Variants in AASS observed in about 807,000 individuals in gnomAD.
The protein encoded by AASS is aminoadipate-semialdehyde synthase, also known as alpha-aminoadipic semialdehyde synthase, mitochondrial.
AASS carries 86 observed loss-of-function variants against 105.4 expected under a neutral mutation model. The ratio of observed to expected loss-of-function variants is 0.82; its 90% confidence interval spans 0.69 to 0.98. The LOEUF is 0.98. AASS is among the 50% of genes least tolerant of loss of function. AASS has a pLI of 0.00. For missense variants in AASS, 1,048 were observed against 1,143.2 expected (o/e 0.92, Z 1.20); for synonymous variants, 381 against 394.8 (o/e 0.96, Z 0.41).
At chr7:122,085,805 C>T (rs1223152697) in intron 19 of AASS, among the ~76,000 whole-genome samples, 1 of 152,130 alleles carries the variant, frequency 6.6e-6, no homozygotes, top group Non-Finnish European at 1.5e-5. Context: ...GAAGCCCTGC[C>T]TGTCCCCAAC....
intron 11 of AASS, among the ~76,000 whole-genome samples, chr7:122,103,340 C>G (rs1584850081): frequency 6.6e-6 from 1 of 151,866 alleles, no homozygotes; most frequent in Admixed American, 6.6e-5. Context: ...AACCTGCCAG[C>G]CAAAAATACT....
At chr7:122,101,783 T>C (rs1794443965) in intron 11 of AASS, 103 bp from the exon 12 acceptor site, 2 of 904,038 alleles carry the variant, frequency 2.2e-6, no homozygotes, top group Admixed American at 4.1e-5. Context: ...AAAAATAATT[T>C]AAGAAACAGT....
intron 18 of AASS, among the ~76,000 whole-genome samples, chr7:122,090,614 T>G (rs1793851569): frequency 6.6e-6 from 1 of 152,172 alleles, no homozygotes; most frequent in South Asian, 2.1e-4. Context: ...ATCATATTAC[T>G]CATCACTCCC....
intron 15 of AASS, among the ~76,000 whole-genome samples, chr7:122,097,391 T>C (rs1794208704): frequency 6.6e-6 from 1 of 152,040 alleles, no homozygotes; most frequent in Non-Finnish European, 1.5e-5. Flanking sequence ...TTATTTTAGG[T>C]TCAGGGGTAC....
At chr7:122,115,686 G>A (rs578085125) in intron 8 of AASS, among the ~76,000 whole-genome samples, 1 of 152,234 alleles carries the variant, frequency 6.6e-6, no homozygotes, top group South Asian at 2.1e-4. Flanking sequence ...GATAACATCT[G>A]TAAGCTCTAT....
In AASS at chr7:122,109,969, AATACAATCAAAAATGGGCTGTACTC is replaced by A. The variant is rs1255503011; in HGVS notation, c.1278+3124_1278+3148del. Among the ~76,000 whole-genome samples the A allele has an allele frequency of 3.0e-4, 45 of 152,214 alleles. 1 individual carries two copies. The highest frequency in any genetic ancestry group is 7.4e-5 in the Non-Finnish European group (5 of 67,962). ...AAAGTCAAAGAACAAAACAAGAGAT[AATACAATCAAAAATGGGCTGTACTC>A]AAAGTAAATCTAATGGCTTTAAAAT... is the stretch of plus-strand genomic sequence containing the variant. On this transcript the variant is annotated intron_variant, in intron 11 of 23. Transcript: ENST00000417368.
At chr7:122,123,233 CA>C (rs1795514169) in intron 4 of AASS, among the ~76,000 whole-genome samples, 1 of 152,162 alleles carries the variant, frequency 6.6e-6, no homozygotes, top group Admixed American at 6.5e-5. Flanking sequence ...TATGTGTTGC[CA>C]ATTCCAGCCA....
In AASS at chr7:122,118,295, G is replaced by A; in HGVS notation, c.687+12C>T. The A allele has an allele frequency of 6.2e-7, 1 of 1,613,660 alleles. No individual in the cohort carries two copies. Among genetic ancestry groups the A allele is most frequent in the South Asian group, 1.1e-5 (1 of 91,078 alleles). ...TGGATTGTTTTACAAAAGGAAGTCA[G>A]GTAAAAGTTACCTTAGAAACATTAC... On this transcript the variant is annotated intron_variant, in intron 6 of 23. Coordinates refer to ENST00000417368, the MANE Select transcript of AASS (RefSeq NM_005763.4).
intron 11 of AASS, among the ~76,000 whole-genome samples, chr7:122,103,411 A>G (rs961911974): frequency 3.3e-5 from 5 of 152,104 alleles, no homozygotes; most frequent in Admixed American, 2.6e-4. Context: ...CAGACAAGCA[A>G]AAGTTTAGGG....
chr7:122,121,713 T>A (rs1463433613), intron 4 of AASS, among the ~76,000 whole-genome samples: 5 of 152,204 alleles, frequency 3.3e-5, no homozygotes, highest in Non-Finnish European at 7.3e-5. Flanking sequence ...TGATGTTTTT[T>A]ATGTTTGTTT....
chr7:122,123,510 A>T (rs1795524449), intron 4 of AASS, among the ~76,000 whole-genome samples: 1 of 152,146 alleles, frequency 6.6e-6, no homozygotes, highest in South Asian at 2.1e-4. Flanking sequence ...TTAATCTTTC[A>T]CAGATGGAGG....
chr7:122,089,047 G>T (rs1332349935), intron 18 of AASS, among the ~76,000 whole-genome samples: 1 of 151,966 alleles, frequency 6.6e-6, no homozygotes, highest in Non-Finnish European at 1.5e-5. Flanking sequence ...AAAAGTTTAA[G>T]TCTTCAAATT....
intron 1 of AASS, among the ~76,000 whole-genome samples, chr7:122,140,327 T>C (rs1796325821): frequency 6.7e-6 from 1 of 150,204 alleles, no homozygotes; most frequent in Non-Finnish European, 1.5e-5. Context: ...CTACTAAAAA[T>C]ACAAAAAATT....
intron 11 of AASS, among the ~76,000 whole-genome samples, chr7:122,112,455 C>G (rs1794984720): frequency 6.6e-6 from 1 of 152,010 alleles, no homozygotes; most frequent in African/African-American, 2.4e-5. Flanking sequence ...AACTATTGTT[C>G]TATTTTAGTG....
chr7:122,129,955 G>C (rs1196071991), intron 2 of AASS, among the ~76,000 whole-genome samples: 1 of 152,046 alleles, frequency 6.6e-6, no homozygotes, highest in Admixed American at 6.5e-5. Flanking sequence ...TGTTTACCCA[G>C]TTAGTATTTA....
chr7:122,131,956 G>C (rs1795936862), intron 2 of AASS, among the ~76,000 whole-genome samples: 1 of 151,740 alleles, frequency 6.6e-6, no homozygotes, highest in Non-Finnish European at 1.5e-5. Flanking sequence ...AAAGAATAAT[G>C]GTAAATGGAT....
chr7:122,141,484 CTG>C (rs1319505629), intron 1 of AASS, among the ~76,000 whole-genome samples: 1 of 152,066 alleles, frequency 6.6e-6, no homozygotes, highest in Admixed American at 6.5e-5. Context: ...TTACTCATCT[CTG>C]TATTCCCAAT....
intron 11 of AASS, among the ~76,000 whole-genome samples, chr7:122,112,822 A>T (rs1794998407): frequency 6.6e-6 from 1 of 152,242 alleles, no homozygotes; most frequent in East Asian, 1.9e-4. Flanking sequence ...ATGGCAAAAA[A>T]TTAAAAATAA....
chr7:122,101,772 A>T, intron 11 of AASS, 92 bp from the exon 12 acceptor site: 1 of 980,254 alleles, frequency 1.0e-6, no homozygotes, highest in Non-Finnish European at 1.6e-6. Flanking sequence ...AATCAAGGGA[A>T]AAAAATAATT....
Sources: gnomAD v4.1 joint callset for allele counts (sites outside exome capture counted in the v4.1 genomes callset) on GRCh38, gnomAD v4.1.1 for gene constraint, MANE v1.5 for transcripts, NCBI Gene and HGNC (gene_info 2026-07-23, HGNC 2026-07-21) for gene names.